The following KCNC4 variants were observed in gnomAD, a reference collection of about 807,000 sequenced individuals.
KCNC4 encodes potassium voltage-gated channel subfamily C member 4, also known as voltage-gated potassium channel KCNC4.
Under a neutral mutation model 42.8 loss-of-function variants are expected in KCNC4, and 23 were observed. That is an observed-to-expected ratio of 0.54 (90% CI 0.39 to 0.76). The LOEUF is 0.76. KCNC4 is among the 30% of genes least tolerant of loss of function. The pLI, the probability that KCNC4 is intolerant of heterozygous loss-of-function variation, is 0.00. For synonymous variants in KCNC4, 422 were observed against 393.5 expected (o/e 1.07, Z -0.86); for missense variants, 751 against 898.2 (o/e 0.84, Z 2.10).
chr1:110,284,035 A>G (rs534848700), downstream of KCNC4, among the ~76,000 whole-genome samples: 109 of 152,354 alleles, frequency 7.2e-4, 1 homozygote, highest in Middle Eastern at 6.8e-3. Flanking sequence ...ATGATTTCAC[A>G]GGGATACAAA....
At chr1:110,215,393 T>A (rs974624751) in intron 1 of KCNC4, among the ~76,000 whole-genome samples, 1 of 152,134 alleles carries the variant, frequency 6.6e-6, no homozygotes, top group Admixed American at 6.5e-5. Flanking sequence ...GGGGGCCCAG[T>A]GGAGGTTTGG....
In KCNC4 at chr1:110,222,991, A is replaced by AT; in HGVS notation, c.707dup (p.Leu237ProfsTer13). On this transcript the variant is annotated frameshift_variant, in exon 2 of 4. Transcript: ENST00000438661. LOFTEE classifies it high-confidence loss of function. Reference sequence around the variant, plus strand: ...AGTGGCCTTTGCCTCTCTCTTCTTCATCCTGGTCTCCATCACCACTTTCTG... The same window carrying AT: ...AGTGGCCTTTGCCTCTCTCTTCTTCATTCCTGGTCTCCATCACCACTTTCTG... 6.2e-7 allele frequency: 1 copy of AT among 1,613,590 alleles called. No individual in the cohort carries two copies. The highest frequency in any genetic ancestry group is 8.5e-7 in the Non-Finnish European group (1 of 1,179,814).
At chr1:110,274,914 A>T (rs745739549) in intron 1 of KCNC4, among the ~76,000 whole-genome samples, 1 of 152,218 alleles carries the variant, frequency 6.6e-6, no homozygotes, top group Non-Finnish European at 1.5e-5. Flanking sequence ...AAAATACTAG[A>T]AGAAAACCTA....
chr1:110,273,106 A>G (rs1659662798), intron 1 of KCNC4, among the ~76,000 whole-genome samples: 1 of 152,218 alleles, frequency 6.6e-6, no homozygotes, highest in Non-Finnish European at 1.5e-5. Flanking sequence ...GTAACTGCAT[A>G]TAATGTTTCC....
intron 1 of KCNC4, among the ~76,000 whole-genome samples, chr1:110,268,623 AAAAAGAAAAG>A (rs1659586568): frequency 6.7e-6 from 1 of 148,724 alleles, no homozygotes; most frequent in Non-Finnish European, 1.5e-5. Flanking sequence ...AAAAAAAAAA[AAAAAGAAAAG>A]AAAAGAAAAA....
At chr1:110,231,846 G>T (rs1658710072) in intron 3 of KCNC4, among the ~76,000 whole-genome samples, 1 of 152,146 alleles carries the variant, frequency 6.6e-6, no homozygotes, top group Non-Finnish European at 1.5e-5. Context: ...GATGGAAACA[G>T]CATCACCCCA....
exon 4 of KCNC4, chr1:110,244,315 GATGCACCTCTAA>G (rs1215191364): frequency 1.3e-5 from 2 of 152,180 alleles, no homozygotes; most frequent in Non-Finnish European, 2.9e-5. Flanking sequence ...AGTGCACTAT[GATGCACCTCTAA>G]ATTAGTCACG....
At chr1:110,268,730 A>ATTAT (rs1345602851) in intron 1 of KCNC4, among the ~76,000 whole-genome samples, 177 of 132,342 alleles carry the variant, frequency 1.3e-3, no homozygotes, top group African/African-American at 4.8e-3. Context: ...CTGAGATTTT[A>ATTAT]TTTTTTTTTT....
chr1:110,251,659 C>A (rs958886898), downstream of KCNC4, among the ~76,000 whole-genome samples: 1 of 151,888 alleles, frequency 6.6e-6, no homozygotes, highest in African/African-American at 2.4e-5. Flanking sequence ...GATTATTTAC[C>A]CAAGAGAGAA....
chr1:110,215,948 G>A (rs577673530), intron 1 of KCNC4, among the ~76,000 whole-genome samples: 1 of 152,206 alleles, frequency 6.6e-6, no homozygotes, highest in South Asian at 2.1e-4. Context: ...TCACTGGAGA[G>A]CTTCTTCCTC....
downstream of KCNC4, chr1:110,235,793 T>C (rs995252412): frequency 6.6e-6 from 1 of 152,230 alleles, no homozygotes; most frequent in Non-Finnish European, 1.5e-5. Context: ...CAGGACATTG[T>C]TTAAAAGAAT....
chr1:110,265,639 G>T (rs1422733164), intron 1 of KCNC4, among the ~76,000 whole-genome samples: 1 of 152,146 alleles, frequency 6.6e-6, no homozygotes, highest in East Asian at 1.9e-4. Context: ...GGAGAGAAAG[G>T]CCCAATAGTC....
intron 1 of KCNC4, among the ~76,000 whole-genome samples, chr1:110,279,497 C>T (rs1659785215): frequency 6.6e-6 from 1 of 152,176 alleles, no homozygotes; most frequent in African/African-American, 2.4e-5. Flanking sequence ...CCCTGAGATG[C>T]ACACTCCCCA....
chr1:110,233,014 C>G lies in KCNC4; in HGVS notation c.*42C>G. ...GAGAGACAGGCAGACAGACAGAAAGCCAGAGGCTTAGGGAAACTCTGGAAC... is the reference window on the plus strand; with the variant it reads ...GAGAGACAGGCAGACAGACAGAAAGGCAGAGGCTTAGGGAAACTCTGGAAC... On this transcript the variant is annotated 3_prime_UTR_variant, in exon 4 of 4. Transcript: ENST00000438661. 1 of 1,595,482 alleles carries G rather than the reference C, an allele frequency of 6.3e-7. No individual in the cohort carries two copies. Among genetic ancestry groups the G allele is most frequent in the Non-Finnish European group, 8.5e-7 (1 of 1,170,948 alleles).
intron 3 of KCNC4, chr1:110,232,659 G>C: frequency 1.4e-6 from 2 of 1,454,070 alleles, no homozygotes. Flanking sequence ...AGGGGTGAAG[G>C]GTTCACCCCA....
chr1:110,222,916 T>G (rs748874136), intron 1 of KCNC4, 48 bp from the exon 2 acceptor site: 1 of 1,448,402 alleles, frequency 6.9e-7, no homozygotes, highest in African/African-American at 1.4e-5. Flanking sequence ...GCTGGGCCCA[T>G]CCATCCCTGT....
chr1:110,280,529 C>G (rs1357843980), intron 1 of KCNC4, among the ~76,000 whole-genome samples: 1 of 152,094 alleles, frequency 6.6e-6, no homozygotes, highest in Non-Finnish European at 1.5e-5. Flanking sequence ...CCCCTGAGGA[C>G]AGAGGCCCAG....
exon 4 of KCNC4, chr1:110,244,192 A>C (rs1316017864): frequency 6.6e-6 from 1 of 152,034 alleles, no homozygotes; most frequent in African/African-American, 2.4e-5. Context: ...ATGGAATACT[A>C]TTTCCCTTAT....
chr1:110,279,651 C>A (rs1169247369), intron 1 of KCNC4, among the ~76,000 whole-genome samples: 2 of 152,132 alleles, frequency 1.3e-5, no homozygotes, highest in Admixed American at 6.6e-5. Flanking sequence ...AAGGGGAATG[C>A]AGGACTGATG....
Sources: gnomAD v4.1 joint callset for allele counts (sites outside exome capture counted in the v4.1 genomes callset) on GRCh38, gnomAD v4.1.1 for gene constraint, MANE v1.5 for transcripts, NCBI Gene and HGNC (gene_info 2026-07-23, HGNC 2026-07-21) for gene names.